Variants in AP3B1 observed in about 807,000 individuals in gnomAD.
The protein encoded by AP3B1 is adaptor related protein complex 3 subunit beta 1.
In AP3B1, 61 loss-of-function variants were observed where a neutral mutation model predicts 132.5. That is an observed-to-expected ratio of 0.46 (90% CI 0.37 to 0.57). The LOEUF (loss-of-function observed/expected upper bound fraction) is 0.57, where lower values mean the gene tolerates loss of function less well. AP3B1 is among the 20% of genes least tolerant of loss of function. The pLI is 0.00. For missense variants in AP3B1, 1,120 were observed against 1,289.4 expected (o/e 0.87, Z 2.01); for synonymous variants, 388 against 438.3 (o/e 0.89, Z 1.43).
chr5:78,236,930 A>G (rs578012864), intron 3 of AP3B1, among the ~76,000 whole-genome samples: 1 of 152,356 alleles, frequency 6.6e-6, no homozygotes, highest in East Asian at 1.9e-4. Context: ...TCAATTCAGA[A>G]TTATATATAA....
rs1262489068 is a variant in AP3B1 at position 78,013,809 on chromosome 5, A to G, written c.3131+1601T>C. ...TTGTGGTGGTCTGTATCATGACCTT[A>G]CATCCATTTTCTTATTTTATCACCA... is the stretch of plus-strand genomic sequence containing the variant. On this transcript the variant is annotated intron_variant, in intron 26 of 26. Coordinates refer to ENST00000255194, the MANE Select transcript of AP3B1 (RefSeq NM_003664.5). Among the ~76,000 whole-genome samples the G allele has an allele frequency of 2.6e-5, 4 of 152,210 alleles. No homozygotes were observed. The East Asian group carries it at 7.7e-4, about 29-fold the overall frequency.
intron 15 of AP3B1, among the ~76,000 whole-genome samples, chr5:78,130,881 G>C (rs78119021): frequency 0.025 from 3,786 of 151,852 alleles, 165 homozygotes; most frequent in African/African-American, 0.083. Flanking sequence ...TTTTGAGCTA[G>C]CAGAATGATA....
At chr5:78,066,690 G>A (rs1302298109) in intron 22 of AP3B1, among the ~76,000 whole-genome samples, 2 of 152,006 alleles carry the variant, frequency 1.3e-5, no homozygotes, top group African/African-American at 4.8e-5. Flanking sequence ...ACCTATGAAT[G>A]ATTGGGGTAC....
chr5:78,206,603 G>GCATA (rs1745514526), intron 7 of AP3B1, among the ~76,000 whole-genome samples: 1 of 151,958 alleles, frequency 6.6e-6, no homozygotes, highest in Admixed American at 6.6e-5. Context: ...CACTCAACAC[G>GCATA]TTACTAAGAA....
At chr5:78,112,834 T>C (rs1751655118) in intron 19 of AP3B1, among the ~76,000 whole-genome samples, 2 of 152,224 alleles carry the variant, frequency 1.3e-5, no homozygotes, top group Admixed American at 1.3e-4. Context: ...ATGAAAAGAA[T>C]TTACTGGTAA....
rs550756731 is a variant in AP3B1 at position 78,288,791 on chromosome 5, G to A, written c.128+5661C>T. On this transcript the variant is annotated intron_variant, in intron 1 of 26. Coordinates refer to ENST00000255194, the MANE Select transcript of AP3B1 (RefSeq NM_003664.5). ...TTTAATATGAGCAGAATGTGTGAAC[G>A]ATTTATCTATATAAATATTTAAGAA... 1.2e-4 allele frequency among the ~76,000 whole-genome samples: 19 copies of A among 152,122 alleles called. No homozygotes were observed. The South Asian group carries it at 3.3e-3, about 27-fold the overall frequency.
At chr5:78,249,388 A>G (rs1747530530) in intron 2 of AP3B1, among the ~76,000 whole-genome samples, 1 of 152,000 alleles carries the variant, frequency 6.6e-6, no homozygotes, top group Admixed American at 6.6e-5. Context: ...AAAAATAAAA[A>G]TTGTATCTTT....
In AP3B1 at chr5:78,247,867, G is replaced by C. The variant is rs570046440; in HGVS notation, c.205-6931C>G. Among the ~76,000 whole-genome samples the C allele has an allele frequency of 1.6e-4, 24 of 152,168 alleles. No individual in the cohort carries two copies. The South Asian group carries it at 5.0e-3, about 32-fold the overall frequency. ...GGTTAGATTCAGGTCTACCATTTTA[G>C]TATCCGTTTCCTGTTTATTCCCTGT... On this transcript the variant is annotated intron_variant, in intron 2 of 26. Transcript: ENST00000255194.
chr5:78,190,744 A>T (rs1580464775), intron 7 of AP3B1, among the ~76,000 whole-genome samples: 2 of 152,224 alleles, frequency 1.3e-5, no homozygotes, highest in African/African-American at 2.4e-5. Context: ...TTATACAAGC[A>T]CTTAGTGCCT....
intron 22 of AP3B1, among the ~76,000 whole-genome samples, chr5:78,055,033 AC>A: frequency 6.6e-6 from 1 of 151,540 alleles, no homozygotes; most frequent in South Asian, 2.1e-4. Flanking sequence ...ACACACACAC[AC>A]ACACACACAC....
intron 17 of AP3B1, among the ~76,000 whole-genome samples, chr5:78,116,835 C>G (rs982207328): frequency 7.2e-5 from 11 of 152,060 alleles, no homozygotes; most frequent in Non-Finnish European, 1.6e-4. Context: ...CTGCCCCCAG[C>G]AAACAAACTT....
chr5:78,123,675 A>T (rs1428039548), intron 17 of AP3B1, among the ~76,000 whole-genome samples: 1 of 151,934 alleles, frequency 6.6e-6, no homozygotes, highest in Non-Finnish European at 1.5e-5. Flanking sequence ...TTAGAATGGC[A>T]ATCATTAAAA....
chr5:78,247,873 G>A (rs1008960962), intron 2 of AP3B1, among the ~76,000 whole-genome samples: 12 of 152,070 alleles, frequency 7.9e-5, no homozygotes, highest in Non-Finnish European at 1.0e-4. Flanking sequence ...TTTAGTATCC[G>A]TTTCCTGTTT....
intron 3 of AP3B1, among the ~76,000 whole-genome samples, chr5:78,230,670 C>T (rs1419884939): frequency 7.1e-6 from 1 of 141,624 alleles, no homozygotes; most frequent in Non-Finnish European, 1.6e-5. Context: ...AGTTCCACTT[C>T]CCCAAGTTCC....
intron 22 of AP3B1, among the ~76,000 whole-genome samples, chr5:78,081,258 C>T (rs925686842): frequency 1.3e-5 from 2 of 150,644 alleles, no homozygotes; most frequent in African/African-American, 2.4e-5. Flanking sequence ...GGATGCAAGA[C>T]GTGCAAATTC....
intron 1 of AP3B1, among the ~76,000 whole-genome samples, chr5:78,281,434 C>CAAAAAAAAAAAAAAAAAAAAA (rs36002317): frequency 1.5e-5 from 1 of 68,256 alleles, no homozygotes; most frequent in Non-Finnish European, 2.7e-5. Context: ...AACTCTGCCT[C>CAAAAAAAAAAAAAAAAAAAAA]AAAAAAAAAA....
intron 7 of AP3B1, among the ~76,000 whole-genome samples, chr5:78,210,816 ACT>A (rs1324361356): frequency 6.6e-6 from 1 of 152,016 alleles, no homozygotes; most frequent in African/African-American, 2.4e-5. Context: ...CTTAAAATTT[ACT>A]CTGTGTTTTA....
intron 16 of AP3B1, among the ~76,000 whole-genome samples, chr5:78,128,631 CTTAA>C (rs1752564451): frequency 6.6e-6 from 1 of 152,078 alleles, no homozygotes; most frequent in South Asian, 2.1e-4. Flanking sequence ...TGGTAAAATA[CTTAA>C]TTACTCCTTT....
At chr5:78,157,787 T>C (rs759421332) in intron 13 of AP3B1, among the ~76,000 whole-genome samples, 1 of 152,132 alleles carries the variant, frequency 6.6e-6, no homozygotes, top group Non-Finnish European at 1.5e-5. Context: ...TCTTGTTCTG[T>C]GGCCCAGGCT....
Sources: allele counts gnomAD v4.1 joint callset (sites outside exome capture counted in the v4.1 genomes callset), GRCh38; gene constraint gnomAD v4.1.1; transcripts MANE v1.5; gene names NCBI Gene and HGNC (gene_info 2026-07-23, HGNC 2026-07-21).